LRP5: variants seen among roughly 807,000 people sequenced by gnomAD.
The protein encoded by LRP5 is low-density lipoprotein receptor-related protein 5.
LRP5 carries 62 observed loss-of-function variants against 154.1 expected under a neutral mutation model. That is an observed-to-expected ratio of 0.40 (90% CI 0.33 to 0.50). LRP5 has a LOEUF of 0.50. Ranked by LOEUF, LRP5 falls within the 20% of genes least tolerant of loss-of-function variation. The pLI, the probability that LRP5 is intolerant of heterozygous loss-of-function variation, is 0.55. For missense variants in LRP5, 1,915 were observed against 2,336.7 expected, an observed-to-expected ratio of 0.82 and a Z score of 3.72; for synonymous variants, 966 against 1,011.5, an observed-to-expected ratio of 0.96 and a Z score of 0.85.
the LRP5 span, among the ~76,000 whole-genome samples, chr11:68,302,128 G>A: frequency 4.6e-5 from 7 of 151,082 alleles, no homozygotes; most frequent in East Asian, 2.0e-4. Context: ...AGGCCAAGGC[G>A]GGCAGATCAC....
chr11:68,329,175 T>C (rs773142101), intron 1 of LRP5, among the ~76,000 whole-genome samples: 1 of 152,242 alleles, frequency 6.6e-6, no homozygotes, highest in Non-Finnish European at 1.5e-5. Context: ...ACGTGTTTAA[T>C]GAAAATCCTT....
chr11:68,348,291 A>T, intron 2 of LRP5, 48 bp downstream of exon 2: 1 of 1,597,324 alleles, frequency 6.3e-7, no homozygotes, highest in Non-Finnish European at 8.5e-7. Context: ...GGGGAGTGTC[A>T]CCATCTCTCT....
intron 13 of LRP5, among the ~76,000 whole-genome samples, chr11:68,421,686 C>CTCTGTGTGTGTG (rs1554973693): frequency 4.5e-5 from 6 of 133,330 alleles, no homozygotes; most frequent in African/African-American, 1.7e-4. Context: ...CCCAGCAAGG[C>CTCTGTGTGTGTG]TGTGTGTGTG....
chr11:68,412,649 A>C (rs1378680825), intron 11 of LRP5, among the ~76,000 whole-genome samples: 1 of 151,744 alleles, frequency 6.6e-6, no homozygotes, highest in Admixed American at 6.6e-5. Flanking sequence ...TCTCCAAAAA[A>C]AAAAAAAGAA....
intron 12 of LRP5, among the ~76,000 whole-genome samples, chr11:68,416,061 A>AT (rs2098662360): frequency 6.6e-6 from 1 of 152,148 alleles, no homozygotes; most frequent in Non-Finnish European, 1.5e-5. Flanking sequence ...TCTCAAAAAA[A>AT]AAATAAATAA....
At chr11:68,348,604 G>A (rs1031528373) in intron 2 of LRP5, among the ~76,000 whole-genome samples, 2 of 150,028 alleles carry the variant, frequency 1.3e-5, no homozygotes, top group East Asian at 2.0e-4. Flanking sequence ...AAATGAACCC[G>A]TGGGGGGGTT....
In LRP5 at chr11:68,408,833, A is replaced by G. The variant is rs142832486; in HGVS notation, c.2092-1081A>G. 2.8e-3 allele frequency among the ~76,000 whole-genome samples: 418 copies of G among 151,928 alleles called. 2 individuals carry two copies. Among genetic ancestry groups the G allele is most frequent in the African/African-American group, 9.7e-3 (400 of 41,380 alleles). Reference sequence around the variant, plus strand: ...GAGGGTGAGGCAGGAGGATCACTTGAGCCCAGAAGTTTGAGACCGGCCTGG... The same window carrying G: ...GAGGGTGAGGCAGGAGGATCACTTGGGCCCAGAAGTTTGAGACCGGCCTGG... On this transcript the variant is annotated intron_variant, in intron 9 of 22. Transcript: ENST00000294304.
At position 68,378,477 on chromosome 11, in the gene LRP5, C is replaced by G. The variant is rs183859914; in HGVS notation, c.1016-7839C>G. 4.0e-5 allele frequency among the ~76,000 whole-genome samples: 6 copies of G among 148,880 alleles called. No individual in the cohort carries two copies. The East Asian group carries it at 1.0e-3, about 25-fold the overall frequency. ...TGGAGGGGTAGGTGGCTCGTTCCCC[C>G]ACGTTGCCCCAGGAAGAGGACCCTG... is the stretch of plus-strand genomic sequence containing the variant. On this transcript the variant is annotated intron_variant, in intron 5 of 22. Coordinates refer to ENST00000294304, the MANE Select transcript of LRP5 (RefSeq NM_002335.4).
At chr11:68,392,485 C>G (rs1401912305) in intron 7 of LRP5, among the ~76,000 whole-genome samples, 1 of 152,020 alleles carries the variant, frequency 6.6e-6, no homozygotes, top group African/African-American at 2.4e-5. Context: ...ATCTGTGTGA[C>G]AGAGCAAGAC....
intron 5 of LRP5, among the ~76,000 whole-genome samples, chr11:68,379,390 T>C (rs1181228512): frequency 1.3e-5 from 2 of 152,186 alleles, no homozygotes; most frequent in Non-Finnish European, 2.9e-5. Context: ...TCTGCCTGTG[T>C]TCTTAGAGAG....
At chr11:68,428,943 A>AAAAAG (rs1226823081) in intron 16 of LRP5, among the ~76,000 whole-genome samples, 1,629 of 3,174 alleles carry the variant, frequency 0.51, 728 homozygotes, top group African/African-American at 0.56. Flanking sequence ...AAAAAAAAAA[A>AAAAAG]AAAATTAGCC....
chr11:68,430,143 A>G (rs570892343), intron 17 of LRP5, among the ~76,000 whole-genome samples: 2 of 151,622 alleles, frequency 1.3e-5, no homozygotes, highest in East Asian at 1.9e-4. Context: ...TTTTGTTGTT[A>G]TTGTTTTTGT....
chr11:68,382,245 G>A (rs2098640628), intron 5 of LRP5, among the ~76,000 whole-genome samples: 1 of 152,206 alleles, frequency 6.6e-6, no homozygotes, highest in South Asian at 2.1e-4. Flanking sequence ...CCGAGAATAG[G>A]TTCCTCATGG....
intron 1 of LRP5, among the ~76,000 whole-genome samples, chr11:68,344,040 C>T (rs1386308742): frequency 6.6e-6 from 1 of 152,014 alleles, no homozygotes; most frequent in Non-Finnish European, 1.5e-5. Context: ...AGCTGCCTTC[C>T]CCCGCCCGAG....
chr11:68,379,364 C>T (rs941169866), intron 5 of LRP5, among the ~76,000 whole-genome samples: 24 of 152,188 alleles, frequency 1.6e-4, no homozygotes, highest in African/African-American at 4.6e-4. Flanking sequence ...AACCTCCATG[C>T]GTTCCAGCTG....
intron 5 of LRP5, among the ~76,000 whole-genome samples, chr11:68,375,374 C>T (rs899336252): frequency 7.2e-5 from 11 of 152,206 alleles, no homozygotes; most frequent in African/African-American, 2.7e-4. Flanking sequence ...GTTTTTCTAC[C>T]TTTTACCGCC....
intron 2 of LRP5, among the ~76,000 whole-genome samples, chr11:68,349,118 C>T (rs573074007): frequency 1.1e-4 from 16 of 148,368 alleles, no homozygotes; most frequent in Admixed American, 1.0e-3. Context: ...CTGCAACCTT[C>T]GCCTCCCGGG....
the LRP5 span, among the ~76,000 whole-genome samples, chr11:68,303,129 G>GTATT: frequency 1.1e-4 from 17 of 152,250 alleles, no homozygotes; most frequent in South Asian, 6.2e-4. Context: ...AGTTATTTAT[G>GTATT]TATTTATTTA....
intron 1 of LRP5, among the ~76,000 whole-genome samples, chr11:68,338,509 A>G (rs926300337): frequency 2.6e-5 from 4 of 152,220 alleles, no homozygotes; most frequent in African/African-American, 7.2e-5. Context: ...AGGAGGGGCC[A>G]CGAGCTGGCC....
Sources: gnomAD v4.1 joint callset for allele counts (sites outside exome capture counted in the v4.1 genomes callset) on GRCh38, gnomAD v4.1.1 for gene constraint, MANE v1.5 for transcripts, NCBI Gene and HGNC (gene_info 2026-07-23, HGNC 2026-07-21) for gene names.